The following RAF1 variants were observed in gnomAD, a reference collection of about 807,000 sequenced individuals.
RAF1 encodes Raf-1 proto-oncogene, serine/threonine kinase.
RAF1 carries 27 observed loss-of-function variants against 81.1 expected under a neutral mutation model. The ratio of observed to expected loss-of-function variants is 0.33; its 90% confidence interval spans 0.25 to 0.46. The LOEUF is 0.46. Among genes scored for constraint, RAF1 ranks in the 20% least tolerant of loss-of-function variants. RAF1 has a pLI of 1.00. For synonymous variants in RAF1, 298 were observed against 294.0 expected (o/e 1.01, Z -0.14); for missense variants, 598 against 826.0 (o/e 0.72, Z 3.38).
At position 12,585,733 on chromosome 3, in the gene RAF1, C is replaced by A. The variant is rs546131178; in HGVS notation, c.1544G>T (p.Arg515Leu). Residue 515 changes from arginine to leucine, a missense_variant, in exon 15 of 18, where the codon CGC becomes CTC. By Grantham distance (102) the Arg-to-Leu change is moderately radical. This residue lies in a region of RAF1 where 147 missense variants were observed against 196.1 expected (regional missense o/e 0.75). Transcript: ENST00000442415. ...TTCAACCTGCTGAGAACCACTCCAG[C>A]GTGACTTTACTGTTGCCAAACCAAA... 6.2e-7 allele frequency: 1 copy of A among 1,614,202 alleles called. No individual in the cohort carries two copies. Among genetic ancestry groups the A allele is most frequent in the Non-Finnish European group, 8.5e-7 (1 of 1,180,024 alleles).
In RAF1 at chr3:12,652,497, G is replaced by A. The variant is rs564215454; in HGVS notation, c.-27+11316C>T. On this transcript the variant is annotated intron_variant, in intron 1 of 17. Coordinates refer to ENST00000442415, the MANE Select transcript of RAF1 (RefSeq NM_001354689.3). ...GTTCGCACCACTGCACTCCAGCCTGGGCGACAAAGCTAGACTCGGTCTCAA... is the reference window on the plus strand; with the variant it reads ...GTTCGCACCACTGCACTCCAGCCTGAGCGACAAAGCTAGACTCGGTCTCAA... Among the ~76,000 whole-genome samples the A allele has an allele frequency of 2.6e-5, 4 of 152,200 alleles. No homozygotes were observed. In the South Asian group the frequency reaches 8.3e-4, roughly 32 times the overall value.
chr3:12,646,316 T>C (rs928556374), intron 1 of RAF1, among the ~76,000 whole-genome samples: 10 of 152,244 alleles, frequency 6.6e-5, no homozygotes, highest in African/African-American at 2.4e-4. Context: ...CATTATAATC[T>C]ACAGCAAATG....
intron 1 of RAF1, among the ~76,000 whole-genome samples, chr3:12,634,343 G>A (rs1225779792): frequency 1.3e-5 from 2 of 150,534 alleles, no homozygotes; most frequent in Non-Finnish European, 1.5e-5. Context: ...TAGAGATGGC[G>A]TTTCGCCATG....
intron 2 of RAF1, among the ~76,000 whole-genome samples, chr3:12,615,817 C>CG (rs2059353127): frequency 6.6e-6 from 1 of 152,076 alleles, no homozygotes; most frequent in Non-Finnish European, 1.5e-5. Context: ...TTTGGGAAGA[C>CG]GAGGCAGGCG....
Position 12,636,771 on chromosome 3 carries a change from C to G in RAF1, c.-26-18024G>C, listed in dbSNP as rs537891069. 2.6e-5 allele frequency among the ~76,000 whole-genome samples: 4 copies of G among 151,936 alleles called. No individual in the cohort carries two copies. The South Asian group carries it at 8.3e-4, about 32-fold the overall frequency. ...GCTGTGAGCTAAGATCATGCCACTG[C>G]ACTCCAGCCTGGGTAACAGAGCAAG... On this transcript the variant is annotated intron_variant, in intron 1 of 17. Coordinates refer to ENST00000442415, the MANE Select transcript of RAF1 (RefSeq NM_001354689.3).
At chr3:12,646,996 TA>T (rs2060368558) in intron 1 of RAF1, among the ~76,000 whole-genome samples, 1 of 151,054 alleles carries the variant, frequency 6.6e-6, no homozygotes. Flanking sequence ...TTAAAGTCAT[TA>T]TTAAAATCTT....
Position 12,604,137 on chromosome 3 carries a change from T to C in RAF1, c.833A>G (p.Glu278Gly), listed in dbSNP as rs1473607252. The change falls in exon 7 of 18, where the codon GAG (glutamate) becomes GGG (glycine). Residue 278 changes from glutamate to glycine, a missense_variant and splice_region_variant. By Grantham distance (98) the Glu-to-Gly change is moderately conservative (BLOSUM62 -2). Coordinates refer to ENST00000442415, the MANE Select transcript of RAF1 (RefSeq NM_001354689.3). The stretch of plus-strand genomic sequence containing the variant: ...ACCACCCCCAAGGTGCCCTATTACC[T>C]CAATCATCCTGCTGTCCACAGGCAG... 6.2e-7 allele frequency: 1 copy of C among 1,614,056 alleles called. No homozygotes were observed. Among genetic ancestry groups the C allele is most frequent in the East Asian group, 2.2e-5 (1 of 44,878 alleles).
At chr3:12,605,202 T>C (rs547258400) in intron 6 of RAF1, among the ~76,000 whole-genome samples, 15 of 152,266 alleles carry the variant, frequency 9.9e-5, no homozygotes, top group African/African-American at 3.4e-4. Flanking sequence ...ATGCTGCGTT[T>C]AATATTTCCA....
chr3:12,655,600 G>A (rs73132365), intron 1 of RAF1, among the ~76,000 whole-genome samples: 1,572 of 152,112 alleles, frequency 0.01, 21 homozygotes, highest in African/African-American at 0.036. Flanking sequence ...TGAAAGCAGG[G>A]GCTCCAACAG....
chr3:12,595,040 G>T (rs1327222074), intron 11 of RAF1, among the ~76,000 whole-genome samples: 1 of 152,104 alleles, frequency 6.6e-6, no homozygotes, highest in African/African-American at 2.4e-5. Context: ...ATAGGAAAAC[G>T]GATTTCAACT....
In RAF1 at chr3:12,615,840, A is replaced by G. The variant is rs991880479; in HGVS notation, c.207+2675T>C. Among the ~76,000 whole-genome samples the G allele has an allele frequency of 9.2e-5, 14 of 152,314 alleles. 1 individual carries two copies. The highest frequency in any genetic ancestry group is 9.2e-4 in the Admixed American group (14 of 15,298). On this transcript the variant is annotated intron_variant, in intron 2 of 17. Transcript: ENST00000442415. The stretch of plus-strand genomic sequence containing the variant: ...GACGAGGCAGGCGGATCAGAAGGTC[A>G]GGAGTTTGAGACCAGCCTTGCCAAC...
chr3:12,601,857 T>C (rs150718543), intron 8 of RAF1, among the ~76,000 whole-genome samples: 4 of 152,240 alleles, frequency 2.6e-5, no homozygotes, highest in African/African-American at 7.2e-5. Context: ...CGACCCACGA[T>C]TGACTGAGCA....
intron 1 of RAF1, among the ~76,000 whole-genome samples, chr3:12,627,035 A>AG (rs1553618483): frequency 1.5e-4 from 22 of 151,226 alleles, no homozygotes; most frequent in African/African-American, 4.4e-4. Context: ...AAAAAAAAAA[A>AG]AAAAGAAAAG....
At chr3:12,603,597 T>G in intron 7 of RAF1, 1 of 659,802 alleles carries the variant, frequency 1.5e-6, no homozygotes, top group Non-Finnish European at 2.7e-6. Flanking sequence ...TTTAAGTGTA[T>G]TCAGTTGTTA....
At chr3:12,637,717 G>T (rs1361984752) in intron 1 of RAF1, among the ~76,000 whole-genome samples, 1 of 151,770 alleles carries the variant, frequency 6.6e-6, no homozygotes, top group Admixed American at 6.6e-5. Context: ...GCCAGGTGTA[G>T]TGGCACACAC....
intron 11 of RAF1, 45 bp downstream of exon 10, chr3:12,599,646 C>T (rs771831362): frequency 2.0e-6 from 3 of 1,512,256 alleles, no homozygotes. Flanking sequence ...AACTTGACTT[C>T]ACACCAAAGC....
At chr3:12,636,703 C>T (rs372570116) in intron 1 of RAF1, among the ~76,000 whole-genome samples, 1 of 151,208 alleles carries the variant, frequency 6.6e-6, no homozygotes, top group Non-Finnish European at 1.5e-5. Flanking sequence ...GCTACCTGGG[C>T]GGCTGAGAGG....
intron 1 of RAF1, among the ~76,000 whole-genome samples, chr3:12,662,259 C>T (rs1226735797): frequency 6.9e-6 from 1 of 144,712 alleles, no homozygotes; most frequent in African/African-American, 2.6e-5. Context: ...TGCTTAAGCC[C>T]AGGAGTTAGA....
chr3:12,638,464 G>C (rs984550108), intron 1 of RAF1, among the ~76,000 whole-genome samples: 2 of 152,168 alleles, frequency 1.3e-5, no homozygotes, highest in Admixed American at 6.5e-5. Context: ...TCATCTAACA[G>C]TTCATCAAAC....
Sources: gnomAD v4.1 joint callset for allele counts (sites outside exome capture counted in the v4.1 genomes callset) on GRCh38, gnomAD v4.1.1 for gene constraint, gnomAD v4.1.1 regional missense constraint, MANE v1.5 for transcripts, NCBI Gene and HGNC (gene_info 2026-07-23, HGNC 2026-07-21) for gene names.